Variants in JMJD6 observed in about 807,000 individuals in gnomAD.
JMJD6 encodes bifunctional arginine demethylase and lysyl-hydroxylase JMJD6.
JMJD6 carries 17 observed loss-of-function variants against 45.8 expected under a neutral mutation model. That is an observed-to-expected ratio of 0.37 (90% CI 0.25 to 0.56). The LOEUF (loss-of-function observed/expected upper bound fraction) is 0.56, where lower values mean the gene tolerates loss of function less well. Ranked by LOEUF, JMJD6 falls within the 20% of genes least tolerant of loss-of-function variation. JMJD6 has a pLI of 0.79. For synonymous variants in JMJD6, 221 were observed against 196.3 expected (o/e 1.13, Z -1.05); for missense variants, 470 against 517.5 (o/e 0.91, Z 0.89).
Position 76,718,765 on chromosome 17 carries a change from G to C in JMJD6, c.1176C>G (p.Asp392Glu), listed in dbSNP as rs149210415. 6.2e-7 allele frequency: 1 copy of C among 1,614,204 alleles called. No homozygotes were observed. Among genetic ancestry groups the C allele is most frequent in the Non-Finnish European group, 8.5e-7 (1 of 1,180,022 alleles). Residue 392 changes from aspartate (D) to glutamate (E), a missense_variant, in exon 6 of 6, where the codon GAC (aspartate) becomes GAG (glutamate). By Grantham distance (45) the Asp-to-Glu change is conservative. Coordinates refer to ENST00000397625, the MANE Select transcript of JMJD6 (RefSeq NM_015167.3). ...MVGNGDTTSQ[D>E]DCVSKERSSS... is the part of the protein sequence containing the mutation. ...AGCTGCGCTCTTTGCTGACACAGTC[G>C]TCCTGGGAGGTGGTGTCCCCGTTTC...
chr17:76,720,735 C>A, intron 4 of JMJD6: 1 of 395,420 alleles, frequency 2.5e-6, no homozygotes, highest in Non-Finnish European at 4.6e-6. Context: ...AATTTACTAC[C>A]ACCTGCATAA....
chr17:76,720,791 G>A (rs1387449760), intron 4 of JMJD6, among the ~76,000 whole-genome samples: 1 of 152,126 alleles, frequency 6.6e-6, no homozygotes, highest in Non-Finnish European at 1.5e-5. Flanking sequence ...TTTTCCTTAA[G>A]TTAGTCTTAG....
intron 1 of JMJD6, 30 bp downstream of exon 1, chr17:76,726,317 G>GGT (rs2076932686): frequency 1.3e-6 from 2 of 1,539,274 alleles, no homozygotes; most frequent in Admixed American, 2.0e-5. Context: ...GCCGATGCCC[G>GGT]GCCTGGCCAC....
Position 76,718,658 on chromosome 17 carries a change from ACAGGCCACCCTCCC to A in JMJD6, c.*57_*70del. The stretch of plus-strand genomic sequence containing the variant: ...GGCCTCCCCTTGTCTGCAGGACTGG[ACAGGCCACCCTCCC>A]CAGGCCCTGCCCTTGCCGCGAGCGT... On this transcript the variant is annotated 3_prime_UTR_variant, in exon 6 of 6. Coordinates refer to ENST00000397625, the MANE Select transcript of JMJD6 (RefSeq NM_015167.3). The A allele has an allele frequency of 1.3e-6, 2 of 1,571,900 alleles. No homozygotes were observed. Among genetic ancestry groups the A allele is most frequent in the Non-Finnish European group, 1.7e-6 (2 of 1,159,932 alleles).
At position 76,726,447 on chromosome 17, in the gene JMJD6, C is replaced by G; in HGVS notation, c.29G>C (p.Arg10Pro). The G allele has an allele frequency of 6.2e-7, 1 of 1,603,382 alleles. No homozygotes were observed. Among genetic ancestry groups the G allele is most frequent in the South Asian group, 1.1e-5 (1 of 89,898 alleles). Residue 10 changes from arginine (R) to proline (P), a missense_variant, in exon 1 of 6, where the codon CGC becomes CCC. Physicochemically the swap from Arg to Pro is moderately radical, Grantham distance 103. This residue lies in a region of JMJD6 where 346 missense variants were observed against 339.5 expected (regional missense o/e 1.02). Transcript: ENST00000397625. ...CGGCCGCGCACTCCGCTTGGCCTCGCGGATGCGCTTCTTGCTCTTGTGGTT... is the reference window on the plus strand; with the variant it reads ...CGGCCGCGCACTCCGCTTGGCCTCGGGGATGCGCTTCTTGCTCTTGTGGTT... Reference protein sequence around the residue: MNHKSKKRIREAKRSARPEL... With the variant: MNHKSKKRIPEAKRSARPEL...
chr17:76,721,765 AC>A, intron 4 of JMJD6, 32 bp downstream of exon 4: 1 of 1,607,516 alleles, frequency 6.2e-7, no homozygotes, highest in Non-Finnish European at 8.5e-7. Context: ...CGAAATTGAA[AC>A]CAAGCAGAAA....
rs567489133 is a variant in JMJD6 at position 76,726,480 on chromosome 17, C to T, written c.-5G>A. The T allele has an allele frequency of 4.4e-6, 7 of 1,590,026 alleles. No homozygotes were observed. The highest frequency in any genetic ancestry group is 4.1e-5 in the African/African-American group (3 of 72,772). Reference sequence around the variant, plus strand: ...CTTCTTGCTCTTGTGGTTCATTCTGCGGGGTCGCCAGCTGGTTCCGCTACG... The same window carrying T: ...CTTCTTGCTCTTGTGGTTCATTCTGTGGGGTCGCCAGCTGGTTCCGCTACG... On this transcript the variant is annotated 5_prime_UTR_variant, in exon 1 of 6. Transcript: ENST00000397625.
chr17:76,720,533 A>C (rs1337668617), intron 4 of JMJD6, 35 bp from the exon 5 acceptor site: 2 of 1,609,644 alleles, frequency 1.2e-6, no homozygotes, highest in Admixed American at 3.3e-5. Context: ...CAGTGCACTG[A>C]CAGCCATACC....
At chr17:76,720,272 G>A in intron 5 of JMJD6, 88 bp downstream of exon 5, 1 of 1,209,838 alleles carries the variant, frequency 8.3e-7, no homozygotes, top group Non-Finnish European at 1.2e-6. Context: ...CCTTCTCCTG[G>A]ATAGGAGGAG....
chr17:76,725,978 T>A (rs1054329421), intron 1 of JMJD6, 123 bp from the exon 2 acceptor site: 11 of 1,267,358 alleles, frequency 8.7e-6, no homozygotes, highest in Middle Eastern at 2.7e-4. Flanking sequence ...GTCTGGCTCC[T>A]CCGGGGTGGG....
At chr17:76,725,893 A>G (rs757754127) in intron 1 of JMJD6, 38 bp from the exon 2 acceptor site, 2 of 1,544,866 alleles carry the variant, frequency 1.3e-6, no homozygotes, top group Non-Finnish European at 1.7e-6. Flanking sequence ...GTTAAAAAAA[A>G]AAAAAAAGTC....
intron 5 of JMJD6, among the ~76,000 whole-genome samples, chr17:76,719,742 A>T (rs2076799767): frequency 6.6e-6 from 1 of 152,212 alleles, no homozygotes; most frequent in African/African-American, 2.4e-5. Context: ...GGTCAGAAGG[A>T]TGAGTTTGAA....
intron 2 of JMJD6, 87 bp from the exon 3 acceptor site, chr17:76,724,145 G>C: frequency 1.4e-6 from 2 of 1,439,322 alleles, no homozygotes; most frequent in Non-Finnish European, 1.9e-6. Context: ...TTTTCTTTGA[G>C]AGTCTTGCTC....
At position 76,720,438 on chromosome 17, in the gene JMJD6, C is replaced by T. The variant is rs2076808915; in HGVS notation, c.1002G>A (p.Glu334=). 6.2e-7 allele frequency: 1 copy of T among 1,613,966 alleles called. No homozygotes were observed. Among genetic ancestry groups the T allele is most frequent in the Admixed American group, 1.7e-5 (1 of 59,996 alleles). The change falls in exon 5 of 6, where the codon GAG becomes GAA. Residue 334 remains glutamate (E), a synonymous_variant. Transcript: ENST00000397625. ...AGCTGTCGGAAGCTATCCCTGTGGA[C>T]TCCTGAAGGTCAACCGAGTCTGCGA... is the stretch of plus-strand genomic sequence containing the variant. ...AVLADSVDLQ[E]STGIASDSSS...
intron 4 of JMJD6, among the ~76,000 whole-genome samples, chr17:76,720,872 A>G (rs1319226361): frequency 6.6e-6 from 1 of 152,204 alleles, no homozygotes; most frequent in Non-Finnish European, 1.5e-5. Flanking sequence ...TTGATTTTTA[A>G]AAAAATCTTT....
At position 76,723,816 on chromosome 17, in the gene JMJD6, G is replaced by A. The variant is rs1443788827; in HGVS notation, c.761C>T (p.Pro254Leu). 1 of 1,614,116 alleles carries A rather than the reference G, an allele frequency of 6.2e-7. No homozygotes were observed. The highest frequency in any genetic ancestry group is 8.5e-7 in the Non-Finnish European group (1 of 1,180,024). Residue 254 changes from proline (P) to leucine (L), a missense_variant, in exon 3 of 6, where the codon CCC becomes CTC. Transcript: ENST00000397625. Reference protein sequence around the residue: ...QLPTWPPEFKPLEILQKPGET... With the variant: ...QLPTWPPEFKLLEILQKPGET... ...TCCTGGTTTTTGTAAGATTTCCAGG[G>A]GTTTGAATTCAGGTGGCCAGGTTGG...
At chr17:76,717,075 G>C (rs2076770407), downstream of JMJD6, among the ~76,000 whole-genome samples, 1 of 152,144 alleles carries the variant, frequency 6.6e-6, no homozygotes, top group African/African-American at 2.4e-5. Flanking sequence ...CCACGCGATA[G>C]GAGGGCTGCG....
intron 4 of JMJD6, 46 bp from the exon 5 acceptor site, chr17:76,720,544 C>CA (rs2143725151): frequency 6.2e-7 from 1 of 1,604,378 alleles, no homozygotes; most frequent in Admixed American, 1.7e-5. Context: ...CAGCCATACC[C>CA]ACTCACAAAG....
chr17:76,720,398 TG>T lies in JMJD6; in HGVS notation c.1041del (p.Ser348AlafsTer95). 1 of 1,614,120 alleles carries T rather than the reference TG, an allele frequency of 6.2e-7. No individual in the cohort carries two copies. Among genetic ancestry groups the T allele is most frequent in the Non-Finnish European group, 8.5e-7 (1 of 1,180,008 alleles). Reference protein sequence around the residue: ...GIASDSSSDSSSSSSSSSSDS... With the variant: ...GIASDSSSDSXSSSSSSSSDS... ...TCTGACGAACTGGAGCTGGAGGAGC[TG>T]GAAGAGTCGCTGGAGCTGTCGGAAG... On this transcript the variant is annotated frameshift_variant, in exon 5 of 6. Coordinates refer to ENST00000397625, the MANE Select transcript of JMJD6 (RefSeq NM_015167.3). LOFTEE classifies it high-confidence loss of function.
Sources: gnomAD v4.1 joint callset for allele counts (sites outside exome capture counted in the v4.1 genomes callset) on GRCh38, gnomAD v4.1.1 for gene constraint, gnomAD v4.1.1 regional missense constraint, MANE v1.5 for transcripts, NCBI Gene and HGNC (gene_info 2026-07-23, HGNC 2026-07-21) for gene names.